LEMD1: variants seen among roughly 807,000 people sequenced by gnomAD.
LEMD1 encodes LEM domain containing 1, also known as LEM domain-containing protein 1.
LEMD1 carries 18 observed loss-of-function variants against 17.4 expected under a neutral mutation model. That is an observed-to-expected ratio of 1.04 (90% CI 0.72 to 1.54). The LOEUF (loss-of-function observed/expected upper bound fraction) is 1.54, where lower values mean the gene tolerates loss of function less well. LEMD1 is among the 40% of genes most tolerant of loss of function. The pLI is 0.00. For synonymous variants in LEMD1, 88 were observed against 77.8 expected, an observed-to-expected ratio of 1.13 and a Z score of -0.69; for missense variants, 195 against 210.4, an observed-to-expected ratio of 0.93 and a Z score of 0.45.
intron 4 of LEMD1, among the ~76,000 whole-genome samples, chr1:205,405,957 C>G (rs1303276208): frequency 3.9e-5 from 6 of 152,202 alleles, no homozygotes; most frequent in African/African-American, 1.2e-4. Flanking sequence ...TTGGAGTTTG[C>G]TAGAGGTCCA....
At chr1:205,423,072 C>T (rs1054671089), upstream of LEMD1, among the ~76,000 whole-genome samples, 3 of 152,152 alleles carry the variant, frequency 2.0e-5, no homozygotes, top group African/African-American at 7.2e-5. Context: ...TTTCCACATC[C>T]GGTATTTTCC....
At chr1:205,422,434 A>T (rs1260399899), upstream of LEMD1, among the ~76,000 whole-genome samples, 1 of 152,224 alleles carries the variant, frequency 6.6e-6, no homozygotes, top group Admixed American at 6.5e-5. Flanking sequence ...AAAGCGGAAG[A>T]AACCTGTATT....
upstream of LEMD1, among the ~76,000 whole-genome samples, chr1:205,427,037 C>G (rs1265470468): frequency 6.6e-6 from 1 of 152,054 alleles, no homozygotes; most frequent in Non-Finnish European, 1.5e-5. Flanking sequence ...GAGGCAATTT[C>G]AGAGTGGTTA....
chr1:205,382,593 A>T (rs924022384), intron 5 of LEMD1, among the ~76,000 whole-genome samples: 2 of 152,110 alleles, frequency 1.3e-5, no homozygotes, highest in Non-Finnish European at 2.9e-5. Context: ...CTAACAGCGT[A>T]TTGGGGGATA....
At chr1:205,389,033 C>CTTTTTTTTTTT (rs1278093645) in intron 4 of LEMD1, among the ~76,000 whole-genome samples, 1 of 77,090 alleles carries the variant, frequency 1.3e-5, no homozygotes, top group African/African-American at 4.4e-5. Context: ...AGTACATTTG[C>CTTTTTTTTTTT]TTTCTTTTTT....
chr1:205,391,614 G>A (rs942014242), intron 4 of LEMD1, among the ~76,000 whole-genome samples: 5 of 152,146 alleles, frequency 3.3e-5, no homozygotes, highest in African/African-American at 1.2e-4. Flanking sequence ...CCTGCTCCGC[G>A]CCTGGGTGGT....
intron 1 of LEMD1, chr1:205,435,368 G>T (rs1449204670): frequency 6.6e-6 from 1 of 152,212 alleles, no homozygotes; most frequent in Non-Finnish European, 1.5e-5. Context: ...AGAAAGAACA[G>T]AAATCCTTTC....
intron 4 of LEMD1, among the ~76,000 whole-genome samples, chr1:205,412,808 C>T (rs1191930724): frequency 1.3e-5 from 2 of 152,106 alleles, no homozygotes; most frequent in East Asian, 1.9e-4. Flanking sequence ...TTCAAAATAT[C>T]GATGTGGTTT....
chr1:205,404,607 G>A (rs1218582560), intron 4 of LEMD1, among the ~76,000 whole-genome samples: 4 of 152,194 alleles, frequency 2.6e-5, no homozygotes, highest in Non-Finnish European at 2.9e-5. Flanking sequence ...CTGCACGTGA[G>A]ATGGGTTTCC....
At chr1:205,383,009 G>A (rs1238529723) in intron 5 of LEMD1, among the ~76,000 whole-genome samples, 1 of 152,146 alleles carries the variant, frequency 6.6e-6, no homozygotes, top group Non-Finnish European at 1.5e-5. Flanking sequence ...GCTTTTATTT[G>A]AACTACTTAC....
chr1:205,424,875 G>A (rs1022341788), upstream of LEMD1, among the ~76,000 whole-genome samples: 4 of 152,178 alleles, frequency 2.6e-5, no homozygotes, highest in Non-Finnish European at 5.9e-5. Context: ...GTTTGATATC[G>A]AGTGGAGGAT....
intron 4 of LEMD1, among the ~76,000 whole-genome samples, chr1:205,391,797 C>A (rs966404210): frequency 2.0e-5 from 3 of 152,126 alleles, no homozygotes; most frequent in African/African-American, 7.2e-5. Flanking sequence ...AAAAGGTCTG[C>A]TAAAACAAGA....
chr1:205,426,618 TG>T (rs1453528138), upstream of LEMD1, among the ~76,000 whole-genome samples: 1 of 151,928 alleles, frequency 6.6e-6, no homozygotes, highest in African/African-American at 2.4e-5. Flanking sequence ...GAACAAGGCT[TG>T]GGGGTAGAAG....
At chr1:205,439,974 G>A (rs1666266231) in intron 1 of LEMD1, among the ~76,000 whole-genome samples, 1 of 152,074 alleles carries the variant, frequency 6.6e-6, no homozygotes, top group African/African-American at 2.4e-5. Flanking sequence ...GGTGGGGGAT[G>A]AGGGAAAAAG....
At chr1:205,442,112 C>T (rs1056133805) in intron 1 of LEMD1, among the ~76,000 whole-genome samples, 2 of 152,162 alleles carry the variant, frequency 1.3e-5, no homozygotes, top group Non-Finnish European at 2.9e-5. Context: ...GCCACTCAAG[C>T]GGAGAAGCTG....
intron 5 of LEMD1, among the ~76,000 whole-genome samples, chr1:205,384,005 T>A (rs1663862794): frequency 6.7e-6 from 1 of 149,728 alleles, no homozygotes; most frequent in African/African-American, 2.5e-5. Flanking sequence ...TAGAAAGAAA[T>A]GTTTCCAAAT....
intron 1 of LEMD1, chr1:205,434,769 C>T (rs1019119301): frequency 6.6e-6 from 1 of 152,250 alleles, no homozygotes; most frequent in African/African-American, 2.4e-5. Context: ...TCTCCCTCCT[C>T]TCAGCAGATT....
chr1:205,449,151 G>A (rs896680835), intron 1 of LEMD1, among the ~76,000 whole-genome samples: 2 of 152,166 alleles, frequency 1.3e-5, no homozygotes, highest in Admixed American at 6.5e-5. Flanking sequence ...GTGCCCTGCC[G>A]CTCTCATTGG....
intron 3 of LEMD1, among the ~76,000 whole-genome samples, chr1:205,418,328 T>G (rs1177663522): frequency 2.0e-5 from 3 of 152,020 alleles, no homozygotes; most frequent in African/African-American, 4.8e-5. Context: ...TCCCCTAAGA[T>G]CCCTGAAGCT....
Sources: allele counts gnomAD v4.1 joint callset (sites outside exome capture counted in the v4.1 genomes callset), GRCh38; gene constraint gnomAD v4.1.1; transcripts MANE v1.5; gene names NCBI Gene and HGNC (gene_info 2026-07-23, HGNC 2026-07-21).